FBXL13: variants seen among roughly 807,000 people sequenced by gnomAD.
FBXL13 encodes F-box and leucine rich repeat protein 13.
A neutral mutation model predicts 83.6 loss-of-function variants in FBXL13; 67 were observed. The observed-to-expected ratio is 0.80, with a 90% CI of 0.66 to 0.98. The LOEUF is 0.98. Ranked by LOEUF, FBXL13 falls within the 50% of genes least tolerant of loss-of-function variation. The probability of loss-of-function intolerance (pLI) is 0.00; values close to 1 mark genes in which losing one functional copy is unlikely to be tolerated. For synonymous variants in FBXL13, 272 were observed against 299.5 expected (o/e 0.91, Z 0.95); for missense variants, 822 against 866.5 (o/e 0.95, Z 0.64).
intron 8 of FBXL13, among the ~76,000 whole-genome samples, chr7:102,940,950 T>A (rs183508044): frequency 0.015 from 2,293 of 152,348 alleles, 24 homozygotes; most frequent in Non-Finnish European, 0.023. Context: ...TTTCCCCTGC[T>A]TTTCTTCATG....
At chr7:103,067,441 C>T (rs1383557272) in intron 1 of FBXL13, among the ~76,000 whole-genome samples, 11 of 152,176 alleles carry the variant, frequency 7.2e-5, no homozygotes, top group African/African-American at 2.7e-4. Context: ...ATGGATTAGT[C>T]TTAATAATCC....
At chr7:102,841,475 G>A (rs978957164) in intron 17 of FBXL13, among the ~76,000 whole-genome samples, 1 of 152,190 alleles carries the variant, frequency 6.6e-6, no homozygotes, top group Admixed American at 6.5e-5. Context: ...TCCCCAATGG[G>A]AGTGGGCAAG....
At chr7:102,942,971 G>C (rs1821755681) in intron 8 of FBXL13, among the ~76,000 whole-genome samples, 1 of 152,052 alleles carries the variant, frequency 6.6e-6, no homozygotes, top group South Asian at 2.1e-4. Context: ...AGATTTCTTT[G>C]CTCTTAGAGG....
At chr7:102,960,557 T>C (rs1233066656) in intron 8 of FBXL13, among the ~76,000 whole-genome samples, 8 of 151,372 alleles carry the variant, frequency 5.3e-5, no homozygotes, top group Non-Finnish European at 7.4e-5. Context: ...ACCAATATCC[T>C]TGATGAACAT....
chr7:102,916,554 T>G (rs1815908600), intron 10 of FBXL13, among the ~76,000 whole-genome samples: 1 of 152,168 alleles, frequency 6.6e-6, no homozygotes, highest in South Asian at 2.1e-4. Context: ...TCTGCAGACT[T>G]AAAGCTGCTA....
At chr7:102,901,503 C>A (rs2129465200) in intron 11 of FBXL13, among the ~76,000 whole-genome samples, 1 of 151,950 alleles carries the variant, frequency 6.6e-6, no homozygotes, top group African/African-American at 2.4e-5. Flanking sequence ...ATATCTTATT[C>A]TTTCTATTTT....
intron 6 of FBXL13, among the ~76,000 whole-genome samples, chr7:102,976,469 G>A (rs1827478615): frequency 6.6e-6 from 1 of 152,004 alleles, no homozygotes; most frequent in Non-Finnish European, 1.5e-5. Context: ...ACTCCACACT[G>A]CTCTCCACTT....
rs548801244 is a variant in FBXL13, at chr7:102,886,956, T to C, written c.1009-2644A>G. Among the ~76,000 whole-genome samples, 5 of 152,356 alleles carry C rather than the reference T, an allele frequency of 3.3e-5. 1 individual carries two copies. Among genetic ancestry groups the C allele is most frequent in the African/African-American group, 1.2e-4 (5 of 41,594 alleles). On this transcript the variant is annotated intron_variant, in intron 11 of 19. Coordinates refer to ENST00000313221, the Ensembl canonical transcript of FBXL13. ...TTCTACATTTCTAGTATTTTTCTAT[T>C]GTGCTACAGAAGCCAGGCCTTTGGG...
intron 9 of FBXL13, among the ~76,000 whole-genome samples, chr7:102,930,522 C>T (rs564935604): frequency 1.9e-4 from 29 of 152,354 alleles, no homozygotes; most frequent in African/African-American, 6.7e-4. Flanking sequence ...CAATATCCCA[C>T]TGAAACTGTT....
At chr7:102,934,448 C>G (rs1416942312) in intron 8 of FBXL13, 1 of 1,614,180 alleles carries the variant, frequency 6.2e-7, no homozygotes, top group Admixed American at 1.7e-5. Context: ...TTCAATGTTG[C>G]AGATTCCCAG....
exon 14 of FBXL13, chr7:102,883,355 G>A (rs370452701): frequency 5.3e-5 from 85 of 1,613,222 alleles, no homozygotes; most frequent in Non-Finnish European, 6.8e-5. Context: ...AAGGTGAAAG[G>A]GATCTGAGGC....
chr7:102,963,147 T>C (rs1327363676), intron 8 of FBXL13, among the ~76,000 whole-genome samples: 3 of 151,310 alleles, frequency 2.0e-5, no homozygotes, highest in Non-Finnish European at 3.0e-5. Context: ...GGTGAAACCC[T>C]GTCTCTACTA....
intron 6 of FBXL13, among the ~76,000 whole-genome samples, chr7:103,024,857 A>ATATATATATATATTTTTTTTTT (rs1298384907): frequency 1.6e-5 from 1 of 62,854 alleles, no homozygotes; most frequent in African/African-American, 9.0e-5. Flanking sequence ...ATATATATAT[A>ATATATATATATATTTTTTTTTT]TTTTTTTTTT....
chr7:103,018,639 C>T (rs1267400988), intron 6 of FBXL13, among the ~76,000 whole-genome samples: 1 of 151,436 alleles, frequency 6.6e-6, no homozygotes, highest in Non-Finnish European at 1.5e-5. Flanking sequence ...ATCTACCAAG[C>T]AAATGGAAAA....
intron 8 of FBXL13, among the ~76,000 whole-genome samples, chr7:102,958,172 C>T (rs981552808): frequency 6.6e-6 from 1 of 152,034 alleles, no homozygotes; most frequent in Admixed American, 6.6e-5. Flanking sequence ...TTAAGAAAAA[C>T]GTGGCACATA....
intron 6 of FBXL13, among the ~76,000 whole-genome samples, chr7:103,017,305 C>T (rs1413453281): frequency 6.6e-6 from 1 of 150,942 alleles, no homozygotes; most frequent in Non-Finnish European, 1.5e-5. Flanking sequence ...AAAGGACATC[C>T]ATACAAAAAC....
intron 6 of FBXL13, among the ~76,000 whole-genome samples, chr7:103,012,204 C>T (rs567473748): frequency 6.6e-5 from 10 of 152,056 alleles, no homozygotes; most frequent in Non-Finnish European, 1.3e-4. Flanking sequence ...GGAGAAACCC[C>T]GTCACTACTA....
At chr7:102,870,251 T>A (rs1158816928) in intron 16 of FBXL13, among the ~76,000 whole-genome samples, 1 of 152,202 alleles carries the variant, frequency 6.6e-6, no homozygotes, top group Non-Finnish European at 1.5e-5. Flanking sequence ...GCAGAGATAA[T>A]ATACAGCACA....
exon 20 of FBXL13, chr7:102,813,383 C>T (rs759146701): frequency 3.7e-6 from 6 of 1,613,872 alleles, no homozygotes. Context: ...GACTTTTTCA[C>T]TGTTAATTCT....
Sources: gnomAD v4.1 joint callset for allele counts (sites outside exome capture counted in the v4.1 genomes callset) on GRCh38, gnomAD v4.1.1 for gene constraint, MANE v1.5 for transcripts, NCBI Gene and HGNC (gene_info 2026-07-23, HGNC 2026-07-21) for gene names.